The following FSIP1 variants were observed in gnomAD, a reference collection of about 807,000 sequenced individuals.
FSIP1 encodes the protein fibrous sheath-interacting protein 1.
A neutral mutation model predicts 60.9 loss-of-function variants in FSIP1; 65 were observed. That is an observed-to-expected ratio of 1.07 (90% confidence interval 0.87 to 1.31). The LOEUF (loss-of-function observed/expected upper bound fraction) is 1.31. Ranked by LOEUF, FSIP1 falls within the 40% of genes most tolerant of loss-of-function variation. FSIP1 has a pLI of 0.00. For missense variants in FSIP1, 675 were observed against 665.5 expected (o/e 1.01, Z -0.16); for synonymous variants, 209 against 221.2 (o/e 0.94, Z 0.49).
chr15:39,757,937 A>G (rs1897352793), intron 5 of FSIP1, among the ~76,000 whole-genome samples: 1 of 152,116 alleles, frequency 6.6e-6, no homozygotes, highest in Non-Finnish European at 1.5e-5. Flanking sequence ...AATAACTAAG[A>G]AGTCTGAATC....
intron 10 of FSIP1, among the ~76,000 whole-genome samples, chr15:39,707,902 G>A (rs1225308517): frequency 6.6e-6 from 1 of 152,116 alleles, no homozygotes; most frequent in African/African-American, 2.4e-5. Flanking sequence ...GCAGAGTGGA[G>A]TTAGAAGACT....
intron 8 of FSIP1, among the ~76,000 whole-genome samples, chr15:39,734,920 T>TGA (rs1271659847): frequency 6.6e-6 from 1 of 152,090 alleles, no homozygotes; most frequent in Non-Finnish European, 1.5e-5. Context: ...ATGATAGAGA[T>TGA]GACCTTAAAC....
intron 10 of FSIP1, among the ~76,000 whole-genome samples, chr15:39,635,074 G>A (rs4479205): frequency 0.18 from 27,742 of 152,098 alleles, 3,102 homozygotes; most frequent in East Asian, 0.32. Flanking sequence ...GGTAGCTCAC[G>A]CCTGTAATCC....
At chr15:39,696,618 T>C (rs1439126134) in intron 10 of FSIP1, among the ~76,000 whole-genome samples, 1 of 152,086 alleles carries the variant, frequency 6.6e-6, no homozygotes, top group Admixed American at 6.5e-5. Context: ...CCTAAGACAA[T>C]AATTAAACAA....
chr15:39,635,120 G>A (rs892124355), intron 10 of FSIP1, among the ~76,000 whole-genome samples: 3 of 152,158 alleles, frequency 2.0e-5, no homozygotes, highest in African/African-American at 7.2e-5. Context: ...CGGATCACAA[G>A]GTCAGAAGAT....
At chr15:39,739,922 C>T (rs1179038936) in intron 6 of FSIP1, 133 bp from the exon 7 acceptor site, 1 of 529,426 alleles carries the variant, frequency 1.9e-6, no homozygotes, top group South Asian at 3.3e-5. Flanking sequence ...ATTCCAGATC[C>T]AGAAACCTAA....
downstream of FSIP1, chr15:39,599,113 C>A (rs1890551587): frequency 6.6e-6 from 1 of 152,048 alleles, no homozygotes; most frequent in Non-Finnish European, 1.5e-5. Flanking sequence ...TTAGTAAAGA[C>A]GGGGTTTCAC....
At chr15:39,708,034 G>C (rs1400331517) in intron 10 of FSIP1, among the ~76,000 whole-genome samples, 1 of 152,096 alleles carries the variant, frequency 6.6e-6, no homozygotes, top group Non-Finnish European at 1.5e-5. Context: ...ACTGTCTGTG[G>C]GGGCTGTCTT....
At chr15:39,706,484 C>T (rs1480105588) in intron 10 of FSIP1, among the ~76,000 whole-genome samples, 3 of 152,096 alleles carry the variant, frequency 2.0e-5, no homozygotes, top group African/African-American at 7.2e-5. Flanking sequence ...TGTGATGACT[C>T]ACTCTATTTT....
intron 4 of FSIP1, 85 bp from the exon 5 acceptor site, chr15:39,763,999 A>G (rs1208613727): frequency 1.4e-6 from 1 of 736,238 alleles, no homozygotes; most frequent in African/African-American, 1.8e-5. Flanking sequence ...ACGGCTCCCA[A>G]TCACATACGT....
rs1451093229 is a variant in FSIP1, at chr15:39,617,738, C to T, written c.1696G>A (p.Ala566Thr). The change falls in exon 11 of 12, where the codon GCA becomes ACA. Residue 566 changes from alanine (A) to threonine (T), a missense_variant. By Grantham distance (58) the Ala-to-Thr change is moderately conservative (BLOSUM62 0). Coordinates refer to ENST00000350221, the MANE Select transcript of FSIP1 (RefSeq NM_152597.5). ...ACACATGTTCGCCAAGCCTCACCTG[C>T]TATTGTATTCTCTGGAGAACTGAGT... ...LKLSSPENTI[A>T]DEQETKDAAE... 8 of 1,608,776 alleles carry T rather than the reference C, an allele frequency of 5.0e-6. No individual in the cohort carries two copies. Among genetic ancestry groups the T allele is most frequent in the East Asian group, 2.2e-5 (1 of 44,784 alleles).
At chr15:39,631,621 C>T (rs1891892877) in intron 10 of FSIP1, among the ~76,000 whole-genome samples, 1 of 152,148 alleles carries the variant, frequency 6.6e-6, no homozygotes, top group Non-Finnish European at 1.5e-5. Flanking sequence ...TGCAAAAATG[C>T]CCAAGCGTAA....
intron 3 of FSIP1, among the ~76,000 whole-genome samples, chr15:39,768,402 A>G (rs1406181984): frequency 6.6e-6 from 1 of 152,248 alleles, no homozygotes; most frequent in African/African-American, 2.4e-5. Flanking sequence ...CATATTAGAA[A>G]TCAACACTGA....
At chr15:39,728,934 A>G (rs1190793368) in intron 8 of FSIP1, among the ~76,000 whole-genome samples, 1 of 152,230 alleles carries the variant, frequency 6.6e-6, no homozygotes, top group Non-Finnish European at 1.5e-5. Flanking sequence ...GGCAAAAGAC[A>G]CAAACAGACA....
chr15:39,632,244 C>T (rs1891923993), intron 10 of FSIP1, among the ~76,000 whole-genome samples: 1 of 152,170 alleles, frequency 6.6e-6, no homozygotes, highest in Admixed American at 6.5e-5. Flanking sequence ...GTGGCTCAAT[C>T]TTGGCTCACT....
chr15:39,714,829 T>G (rs1347342222), intron 9 of FSIP1, among the ~76,000 whole-genome samples: 1 of 151,142 alleles, frequency 6.6e-6, no homozygotes, highest in African/African-American at 2.4e-5. Flanking sequence ...AAAAAATAAT[T>G]AGCCAGACAC....
intron 7 of FSIP1, among the ~76,000 whole-genome samples, chr15:39,738,965 C>T (rs1896711116): frequency 1.3e-5 from 2 of 152,246 alleles, no homozygotes; most frequent in African/African-American, 4.8e-5. Context: ...ACTCCACACT[C>T]GCCCATGCAG....
chr15:39,780,392 A>G (rs527470525), intron 1 of FSIP1, among the ~76,000 whole-genome samples: 35 of 152,218 alleles, frequency 2.3e-4, no homozygotes, highest in East Asian at 1.9e-3. Flanking sequence ...GGGAGTGGTG[A>G]TGGGCGCCTG....
intron 10 of FSIP1, among the ~76,000 whole-genome samples, chr15:39,634,376 T>A (rs1315592883): frequency 6.6e-6 from 1 of 152,152 alleles, no homozygotes. Context: ...CAGGGTTTAG[T>A]CCACCACTCC....
Sources: allele counts gnomAD v4.1 joint callset (sites outside exome capture counted in the v4.1 genomes callset), GRCh38; gene constraint gnomAD v4.1.1; transcripts MANE v1.5; gene names NCBI Gene and HGNC (gene_info 2026-07-23, HGNC 2026-07-21).